FRMD4B: variants seen among roughly 807,000 people sequenced by gnomAD.
FRMD4B encodes the protein FERM domain containing 4B.
In FRMD4B, 74 loss-of-function variants were observed where a neutral mutation model predicts 141.5. The ratio of observed to expected loss-of-function variants is 0.52; its 90% CI spans 0.43 to 0.63. The LOEUF is 0.63. Among genes scored for constraint, FRMD4B ranks in the 30% least tolerant of loss-of-function variants. FRMD4B has a pLI of 0.00. For missense variants in FRMD4B, 1,366 were observed against 1,253.4 expected (o/e 1.09, Z -1.36); for synonymous variants, 506 against 467.9 (o/e 1.08, Z -1.05).
chr3:69,429,962 T>A (rs892788179), intron 2 of FRMD4B, among the ~76,000 whole-genome samples: 1 of 151,898 alleles, frequency 6.6e-6, no homozygotes, highest in African/African-American at 2.4e-5. Flanking sequence ...GGTTTCATCA[T>A]GTTGACCATG....
intron 2 of FRMD4B, among the ~76,000 whole-genome samples, chr3:69,411,371 C>G (rs1198250608): frequency 6.6e-6 from 1 of 152,144 alleles, no homozygotes; most frequent in African/African-American, 2.4e-5. Context: ...ATACAATTAA[C>G]CACCCACACT....
chr3:69,285,617 G>A (rs1477699944), intron 5 of FRMD4B, among the ~76,000 whole-genome samples: 2 of 152,168 alleles, frequency 1.3e-5, no homozygotes, highest in Non-Finnish European at 2.9e-5. Flanking sequence ...CTCGAGGCAG[G>A]TGGATCACCT....
chr3:69,483,803 C>T (rs73835871), intron 1 of FRMD4B, among the ~76,000 whole-genome samples: 4,679 of 152,232 alleles, frequency 0.031, 230 homozygotes, highest in African/African-American at 0.11. Context: ...ATTTCCATTA[C>T]GATGACCTTA....
At chr3:69,214,423 C>T (rs1189827253) in intron 11 of FRMD4B, among the ~76,000 whole-genome samples, 4 of 152,104 alleles carry the variant, frequency 2.6e-5, no homozygotes, top group African/African-American at 7.2e-5. Flanking sequence ...GGGAGAGTGG[C>T]AAAACCAACC....
chr3:69,233,666 TACATA>T (rs1318401842), intron 7 of FRMD4B, among the ~76,000 whole-genome samples: 11 of 152,126 alleles, frequency 7.2e-5, no homozygotes, highest in African/African-American at 2.7e-4. Context: ...CCATACAGCT[TACATA>T]ACATGAGAAA....
chr3:69,195,492 A>G (rs2092893310), intron 14 of FRMD4B, 128 bp from the exon 15 acceptor site: 1 of 726,246 alleles, frequency 1.4e-6, no homozygotes, highest in Non-Finnish European at 2.1e-6. Flanking sequence ...TTGTTTCTCA[A>G]CATAATAAAA....
At chr3:69,417,355 T>G (rs1251277428) in intron 2 of FRMD4B, among the ~76,000 whole-genome samples, 5 of 152,248 alleles carry the variant, frequency 3.3e-5, no homozygotes, top group African/African-American at 1.2e-4. Flanking sequence ...TGTCTTCTTT[T>G]GAGAAGTGTC....
At chr3:69,436,636 G>C (rs981236298) in intron 1 of FRMD4B, among the ~76,000 whole-genome samples, 1 of 152,150 alleles carries the variant, frequency 6.6e-6, no homozygotes, top group Non-Finnish European at 1.5e-5. Flanking sequence ...ACAGATATTT[G>C]TACACCAGTG....
intron 7 of FRMD4B, among the ~76,000 whole-genome samples, chr3:69,247,681 C>G (rs1225363023): frequency 6.6e-6 from 1 of 152,112 alleles, no homozygotes; most frequent in African/African-American, 2.4e-5. Context: ...CGGAGTCTCG[C>G]TCTTTTGCCC....
chr3:69,475,656 G>T (rs1025768632), intron 1 of FRMD4B, among the ~76,000 whole-genome samples: 1 of 152,044 alleles, frequency 6.6e-6, no homozygotes, highest in African/African-American at 2.4e-5. Flanking sequence ...GAATAGAGCC[G>T]CAATAAACAT....
chr3:69,353,019 T>C (rs1703200322), intron 1 of FRMD4B, among the ~76,000 whole-genome samples: 1 of 151,986 alleles, frequency 6.6e-6, no homozygotes, highest in Middle Eastern at 3.2e-3. Flanking sequence ...CATTTCTGTG[T>C]TGCTTACTGA....
intron 4 of FRMD4B, among the ~76,000 whole-genome samples, chr3:69,297,219 T>C (rs2107137520): frequency 6.6e-6 from 1 of 152,266 alleles, no homozygotes; most frequent in South Asian, 2.1e-4. Flanking sequence ...GATCTAATGT[T>C]CCAAAGACCA....
At chr3:69,247,463 G>A (rs1163267251) in intron 7 of FRMD4B, among the ~76,000 whole-genome samples, 2 of 152,272 alleles carry the variant, frequency 1.3e-5, no homozygotes, top group East Asian at 1.9e-4. Context: ...CCCAGGAAAC[G>A]TGGCTTTTCT....
intron 21 of FRMD4B, among the ~76,000 whole-genome samples, chr3:69,177,231 C>T (rs1433138256): frequency 6.6e-6 from 1 of 152,082 alleles, no homozygotes; most frequent in African/African-American, 2.4e-5. Flanking sequence ...CCCAGCCACT[C>T]AGGAGGCTGA....
intron 9 of FRMD4B, among the ~76,000 whole-genome samples, chr3:69,219,568 G>T (rs1007668316): frequency 6.6e-6 from 1 of 151,518 alleles, no homozygotes; most frequent in Non-Finnish European, 1.5e-5. Context: ...ACACAATAAT[G>T]ATCAGGAGAA....
rs1057139227 is a variant in FRMD4B at position 69,525,820 on chromosome 3, G to A, written c.-129+16386C>T. On this transcript the variant is annotated intron_variant, in intron 1 of 5. Coordinates refer to the FRMD4B transcript ENST00000459638. Reference sequence around the variant, plus strand: ...GATGTGTGCCACCATGCCTGGCTAAGTTTTGTATTTTTTTTTTTTGTAGAG... The same window carrying A: ...GATGTGTGCCACCATGCCTGGCTAAATTTTGTATTTTTTTTTTTTGTAGAG... Among the ~76,000 whole-genome samples the A allele has an allele frequency of 5.3e-5, 8 of 149,786 alleles. 1 individual carries two copies. In the Admixed American group the frequency reaches 5.3e-4, roughly 10 times the overall value.
intron 2 of FRMD4B, among the ~76,000 whole-genome samples, chr3:69,394,731 AG>A (rs1224383170): frequency 1.3e-5 from 2 of 152,244 alleles, no homozygotes; most frequent in Non-Finnish European, 2.9e-5. Context: ...TGTTTATTGC[AG>A]TATGATTTAC....
intron 17 of FRMD4B, 113 bp from the exon 18 acceptor site, chr3:69,190,065 T>G: frequency 3.1e-6 from 2 of 639,572 alleles, no homozygotes; most frequent in South Asian, 1.9e-5. Flanking sequence ...TGTAATTAAT[T>G]ACAGTGCATT....
chr3:69,531,555 A>C (rs1265173137), intron 1 of FRMD4B, among the ~76,000 whole-genome samples: 1 of 152,260 alleles, frequency 6.6e-6, no homozygotes, highest in East Asian at 1.9e-4. Context: ...GAAACTGTAC[A>C]TGGGGCGGAA....
Sources: gnomAD v4.1 joint callset for allele counts (sites outside exome capture counted in the v4.1 genomes callset) on GRCh38, gnomAD v4.1.1 for gene constraint, MANE v1.5 for transcripts, NCBI Gene and HGNC (gene_info 2026-07-23, HGNC 2026-07-21) for gene names.